The following PKD1L3 variants were observed in gnomAD, a reference collection of about 807,000 sequenced individuals.
The protein encoded by PKD1L3 is polycystin-1-like protein 3.
A neutral mutation model predicts 184.1 loss-of-function variants in PKD1L3; 239 were observed. That is an observed-to-expected ratio of 1.30 (90% CI 1.17 to 1.45). PKD1L3 has a LOEUF of 1.45. PKD1L3 is among the 40% of genes most tolerant of loss of function. The pLI, the probability that PKD1L3 is intolerant of heterozygous loss-of-function variation, is 0.00. For missense variants in PKD1L3, 2,660 were observed against 2,067.2 expected (o/e 1.29, Z -5.56); for synonymous variants, 996 against 778.8 (o/e 1.28, Z -4.64).
chr16:71,952,447 C>G (rs1021816504), intron 18 of PKD1L3, among the ~76,000 whole-genome samples: 28 of 150,928 alleles, frequency 1.9e-4, no homozygotes, highest in Admixed American at 9.2e-4. Context: ...TCTCGATCTC[C>G]TGACCTCGTG....
At chr16:71,998,921 T>C (rs1207364153) in intron 1 of PKD1L3, among the ~76,000 whole-genome samples, 1 of 152,136 alleles carries the variant, frequency 6.6e-6, no homozygotes, top group Non-Finnish European at 1.5e-5. Context: ...GAGAATGATA[T>C]AATAATGGCT....
intron 2 of PKD1L3, among the ~76,000 whole-genome samples, chr16:71,995,177 G>A (rs150418570): frequency 6.6e-6 from 1 of 152,228 alleles, no homozygotes; most frequent in Non-Finnish European, 1.5e-5. Context: ...AACCTCGTAA[G>A]GTGAAAAGGC....
chr16:71,984,024 C>T lies in PKD1L3; in HGVS notation c.966+12G>A. On this transcript the variant is annotated intron_variant, in intron 6 of 29. Transcript: ENST00000620267. ...CTCCTACCTTCTTCCCTCCCAGTCA[C>T]CCTCCACTTACCTGAGCTGGCTTAG... The T allele has an allele frequency of 6.4e-7, 1 of 1,551,578 alleles. No individual in the cohort carries two copies.
chr16:71,980,194 A>G, intron 7 of PKD1L3, 60 bp from the exon 8 acceptor site: 1 of 1,516,124 alleles, frequency 6.6e-7, no homozygotes, highest in Non-Finnish European at 8.9e-7. Flanking sequence ...TGTTAGTAAA[A>G]TAATGTTTTG....
At chr16:71,934,473 T>C (rs767859787) in intron 26 of PKD1L3, among the ~76,000 whole-genome samples, 7 of 152,204 alleles carry the variant, frequency 4.6e-5, no homozygotes, top group Non-Finnish European at 8.8e-5. Context: ...AAAAGGAGAT[T>C]AACTCAGCCC....
At chr16:71,977,560 C>CTTCTTCT in intron 10 of PKD1L3, 93 bp from the exon 11 acceptor site, 1 of 543,660 alleles carries the variant, frequency 1.8e-6, no homozygotes, top group Non-Finnish European at 2.8e-6. Context: ...CGTCCTAGCT[C>CTTCTTCT]TTTTTTTTTT....
At chr16:71,994,806 C>G (rs2040724724) in intron 2 of PKD1L3, among the ~76,000 whole-genome samples, 1 of 152,062 alleles carries the variant, frequency 6.6e-6, no homozygotes, top group African/African-American at 2.4e-5. Context: ...CGAGACCAGC[C>G]TGGCCAGGAT....
chr16:71,933,499 C>T lies in PKD1L3; in HGVS notation c.4847G>A (p.Ser1616Asn), dbSNP rs1244912622. The stretch of plus-strand genomic sequence containing the variant: ...GAAAAATGTCCGGTAGTCAGAGATG[C>T]TGCATCCAAACAGCAGGTTAAACTG... Reference protein sequence around the residue: ...AIAFNLLFGCSISDYRTFFSS... With the variant: ...AIAFNLLFGCNISDYRTFFSS... Residue 1616 changes from serine to asparagine, a missense_variant, in exon 28 of 30, where the codon AGC (serine) becomes AAC (asparagine). By Grantham distance (46) the Ser-to-Asn change is conservative. Transcript: ENST00000620267. 5.2e-6 allele frequency: 8 copies of T among 1,551,442 alleles called. No homozygotes were observed. Among genetic ancestry groups the T allele is most frequent in the Non-Finnish European group, 7.0e-6 (8 of 1,146,696 alleles).
Position 71,929,625 on chromosome 16 carries a change from T to C in PKD1L3, c.5112A>G (p.Gly1704=), listed in dbSNP as rs1297835220. Reference sequence around the variant, plus strand: ...ATGAGGTTTTTTGGGGCCAACTGATTCCTAACAAATTTGAGAGCTTCTGTA... The same window carrying C: ...ATGAGGTTTTTTGGGGCCAACTGATCCCTAACAAATTTGAGAGCTTCTGTA... ...TLLQKLSNLL[G]ISWPQKTSSE... is the part of the protein sequence containing the mutation. The change falls in exon 30 of 30, where the codon GGA becomes GGG. Residue 1704 remains glycine (G), a synonymous_variant. Coordinates refer to ENST00000620267, the MANE Select transcript of PKD1L3 (RefSeq NM_181536.2). 6.4e-7 allele frequency: 1 copy of C among 1,551,768 alleles called. No homozygotes were observed. Among genetic ancestry groups the C allele is most frequent in the Non-Finnish European group, 8.7e-7 (1 of 1,146,878 alleles).
At chr16:71,997,679 C>T (rs2143912122) in intron 2 of PKD1L3, among the ~76,000 whole-genome samples, 1 of 152,052 alleles carries the variant, frequency 6.6e-6, no homozygotes, top group African/African-American at 2.4e-5. Flanking sequence ...ACCCGGGAGG[C>T]GGAGCTTGTG....
At position 71,977,467 on chromosome 16, in the gene PKD1L3, T is replaced by A. The variant is rs2039973974; in HGVS notation, c.1528A>T (p.Ile510Phe). ...QVHDLMEDIE[I>F]MLWRNVSLET... is the part of the protein sequence containing the mutation. ...AAGCTAACATTTCTCCAGAGCATGA[T>A]CTAGAATAAGAGACAGTTAATCATT... Residue 510 changes from isoleucine to phenylalanine, a missense_variant and splice_region_variant, in exon 11 of 30, where the codon ATC becomes TTC. By Grantham distance (21) the Ile-to-Phe change is conservative. Transcript: ENST00000620267. 1 of 1,541,128 alleles carries A rather than the reference T, an allele frequency of 6.5e-7. No individual in the cohort carries two copies. The highest frequency in any genetic ancestry group is 8.8e-7 in the Non-Finnish European group (1 of 1,137,634).
At chr16:71,955,573 A>G (rs1264220042) in intron 16 of PKD1L3, among the ~76,000 whole-genome samples, 3 of 149,238 alleles carry the variant, frequency 2.0e-5, no homozygotes, top group African/African-American at 7.4e-5. Context: ...GCTCATTGCA[A>G]CCTCCATCCC....
At chr16:71,972,791 G>C (rs146242270) in intron 12 of PKD1L3, among the ~76,000 whole-genome samples, 1 of 152,086 alleles carries the variant, frequency 6.6e-6, no homozygotes, top group Non-Finnish European at 1.5e-5. Context: ...CACATTCTTT[G>C]AGCAACCAAA....
rs766816331 is a variant in PKD1L3 at position 71,977,253 on chromosome 16, T to TC, written c.1741dup (p.Asp581GlyfsTer2). ...GGTTTTACCTTTTTGCCACACCTTA[T>TC]CCTTTGGAAGGGTGATGTTCAGGTG... is the stretch of plus-strand genomic sequence containing the variant. On this transcript the variant is annotated frameshift_variant, in exon 11 of 30. Coordinates refer to ENST00000620267, the MANE Select transcript of PKD1L3 (RefSeq NM_181536.2). LOFTEE classifies it high-confidence loss of function. 83 of 1,529,616 alleles carry TC rather than the reference T, an allele frequency of 5.4e-5. No homozygotes were observed. The highest frequency in any genetic ancestry group is 2.8e-4 in the South Asian group (23 of 83,584). The allele number at this position is 1,529,616 out of a possible 1,614,324, so 94.8% of individuals were successfully genotyped here. A position where few individuals can be genotyped will look rare whatever the true frequency, so the allele number is the denominator to read the frequency against.
chr16:71,986,357 G>A lies in PKD1L3; in HGVS notation c.698C>T (p.Thr233Ile), dbSNP rs2040361774. 6.4e-7 allele frequency: 1 copy of A among 1,551,378 alleles called. No homozygotes were observed. The highest frequency in any genetic ancestry group is 1.4e-5 in the African/African-American group (1 of 73,056). ...GACAGACACGGGCATGGTGAGCTGT[G>A]TTATCACAGGGAGAGGCTGGCTGCT... The part of the protein sequence containing the change: ...EPSSQPLPVI[T>I]QLTMPVSVTH... The change falls in exon 5 of 30, where the codon ACA becomes ATA. Residue 233 changes from threonine to isoleucine, a missense_variant. Thr to Ile is a moderately conservative substitution (Grantham distance 89, BLOSUM62 -1). Coordinates refer to ENST00000620267, the MANE Select transcript of PKD1L3 (RefSeq NM_181536.2).
rs545541369 is a variant in PKD1L3 at position 71,956,078 on chromosome 16, G to A, written c.2613-1777C>T. Among the ~76,000 whole-genome samples, 23 of 151,570 alleles carry A rather than the reference G, an allele frequency of 1.5e-4. No homozygotes were observed. The South Asian group carries it at 4.0e-3, about 26-fold the overall frequency. The stretch of plus-strand genomic sequence containing the variant: ...TTACCATGTTGCCCAGGCTGGTCTC[G>A]AACTCCTGAGCTCAAGTGATCCACT... On this transcript the variant is annotated intron_variant, in intron 16 of 29. Coordinates refer to ENST00000620267, the MANE Select transcript of PKD1L3 (RefSeq NM_181536.2).
intron 12 of PKD1L3, 105 bp from the exon 13 acceptor site, chr16:71,970,210 T>G (rs931709990): frequency 2.0e-5 from 18 of 886,114 alleles, no homozygotes; most frequent in Non-Finnish European, 2.9e-5. Flanking sequence ...GGTATCTGGT[T>G]CTCTCATTCA....
chr16:71,967,637 G>A (rs1447281914), intron 14 of PKD1L3, among the ~76,000 whole-genome samples: 1 of 152,072 alleles, frequency 6.6e-6, no homozygotes, highest in Admixed American at 6.6e-5. Flanking sequence ...GCTAATTTCT[G>A]CATTTTTAGT....
intron 16 of PKD1L3, among the ~76,000 whole-genome samples, chr16:71,960,394 ACT>A (rs2039231523): frequency 6.6e-6 from 1 of 152,184 alleles, no homozygotes; most frequent in African/African-American, 2.4e-5. Context: ...GCAAGACATA[ACT>A]CTAAGCAAAA....
Sources: gnomAD v4.1 joint callset for allele counts (sites outside exome capture counted in the v4.1 genomes callset) on GRCh38, gnomAD v4.1.1 for gene constraint, MANE v1.5 for transcripts, NCBI Gene and HGNC (gene_info 2026-07-23, HGNC 2026-07-21) for gene names.